Variants in CCDC51 observed in about 807,000 individuals in gnomAD.
CCDC51 encodes mitochondrial potassium channel.
CCDC51 carries 25 observed loss-of-function variants against 24.8 expected under a neutral mutation model. The observed-to-expected ratio is 1.01, with a 90% CI of 0.73 to 1.41. The LOEUF is 1.41. Among genes scored for constraint, CCDC51 ranks in the 40% most tolerant of loss-of-function variants. The pLI, the probability that CCDC51 is intolerant of heterozygous loss-of-function variation, is 0.00. For synonymous variants in CCDC51, 190 were observed against 204.3 expected, an observed-to-expected ratio of 0.93 and a Z score of 0.60; for missense variants, 466 against 519.1, an observed-to-expected ratio of 0.90 and a Z score of 0.99.
intron 1 of CCDC51, among the ~76,000 whole-genome samples, chr3:48,439,784 CAG>C (rs1376551042): frequency 6.6e-6 from 1 of 152,194 alleles, no homozygotes; most frequent in Non-Finnish European, 1.5e-5. Flanking sequence ...GATGAACAAA[CAG>C]AATTCGCAAA....
In CCDC51 at chr3:48,435,406, G is replaced by A. The variant is rs1018955602; in HGVS notation, c.-8-270C>T. Among the ~76,000 whole-genome samples, 1 of 152,134 alleles carries A rather than the reference G, an allele frequency of 6.6e-6. No homozygotes were observed. The highest frequency in any genetic ancestry group is 1.5e-5 in the Non-Finnish European group (1 of 68,044). ...GCCCGCCACCATGCCACACAAAGCG[G>A]ACCCTTCCCTGCTACCCACTTCCCT... On this transcript the variant is annotated intron_variant, in intron 1 of 3. Transcript: ENST00000395694. This position sits in a 1 kb window ranked among gnomAD's most constrained non-coding sequence, Gnocchi z 4.2.
upstream of CCDC51, chr3:48,440,274 C>G: frequency 1.9e-6 from 3 of 1,596,276 alleles, no homozygotes; most frequent in Non-Finnish European, 2.6e-6. Context: ...GTGGCAGGGT[C>G]TGGGGAAGCG....
upstream of CCDC51, chr3:48,440,584 A>G: frequency 1.2e-6 from 2 of 1,611,902 alleles, no homozygotes; most frequent in Non-Finnish European, 8.5e-7. Context: ...GAGCAGAAGA[A>G]ACTCGAGGAG....
At chr3:48,442,472 T>A (rs944858221), upstream of CCDC51, among the ~76,000 whole-genome samples, 25 of 149,150 alleles carry the variant, frequency 1.7e-4, no homozygotes, top group East Asian at 5.9e-4. Flanking sequence ...TTTTTTTTTT[T>A]AAATAGTCTC....
Position 48,434,971 on chromosome 3 carries a change from G to A in CCDC51, c.158C>T (p.Ala53Val). ...TGGGAGGCGGTGGTGCAGCCCCAGG[G>A]CCACCTCCTCAGGTCTTTTCTCTCC... ...QPGEKRPEEV[A>V]LGLHHRLPAL... The change falls in exon 2 of 4, where the codon GCC becomes GTC. Residue 53 changes from alanine (A) to valine (V), a missense_variant. Coordinates refer to ENST00000395694, the MANE Select transcript of CCDC51 (RefSeq NM_001256964.2). 1 of 1,614,202 alleles carries A rather than the reference G, an allele frequency of 6.2e-7. No individual in the cohort carries two copies. The highest frequency in any genetic ancestry group is 8.5e-7 in the Non-Finnish European group (1 of 1,180,040).
intron 2 of CCDC51, 143 bp downstream of exon 2, chr3:48,434,674 C>T (rs2039293730): frequency 1.4e-6 from 1 of 725,762 alleles, no homozygotes; most frequent in African/African-American, 1.8e-5. Context: ...GAGACCTTCA[C>T]CCCAGAAGCA....
chr3:48,440,175 T>G (rs2039518978), upstream of CCDC51: 1 of 1,477,410 alleles, frequency 6.8e-7, no homozygotes, highest in African/African-American at 1.4e-5. Context: ...CCGCATCCGG[T>G]AGCGAGAGTT....
Position 48,432,713 on chromosome 3 carries a change from T to G in CCDC51, c.931A>C (p.Arg311=). ...CCTTCTAGACATGAATGGACTTGCCTGGAATGACTAAGCTGCTCTTTCAAG... is the reference window on the plus strand; with the variant it reads ...CCTTCTAGACATGAATGGACTTGCCGGGAATGACTAAGCTGCTCTTTCAAG... The part of the protein sequence containing the change: ...AALKEQLSHS[R]QVHSCLEGLR... Residue 311 remains arginine (R), a synonymous_variant, in exon 4 of 4, where the codon AGG becomes CGG. Coordinates refer to ENST00000395694, the MANE Select transcript of CCDC51 (RefSeq NM_001256964.2). 6.2e-7 allele frequency: 1 copy of G among 1,614,236 alleles called. No individual in the cohort carries two copies. Among genetic ancestry groups the G allele is most frequent in the East Asian group, 2.2e-5 (1 of 44,890 alleles).
chr3:48,443,793 G>T, upstream of CCDC51: 1 of 1,466,256 alleles, frequency 6.8e-7, no homozygotes, highest in Non-Finnish European at 9.1e-7. Context: ...GGCCCGTGGG[G>T]CTTCTACCGT....
chr3:48,441,729 G>T (rs1481146990), upstream of CCDC51, among the ~76,000 whole-genome samples: 1 of 152,172 alleles, frequency 6.6e-6, no homozygotes, highest in Non-Finnish European at 1.5e-5. Context: ...TGCATCATAA[G>T]CATTATTTTA....
At chr3:48,444,416 G>T (rs891122333), upstream of CCDC51, among the ~76,000 whole-genome samples, 8 of 152,096 alleles carry the variant, frequency 5.3e-5, no homozygotes, top group Non-Finnish European at 1.0e-4. Context: ...GTGGTTACAG[G>T]CACCCGCCAC....
chr3:48,442,004 C>A (rs1009010615), upstream of CCDC51, among the ~76,000 whole-genome samples: 3 of 144,246 alleles, frequency 2.1e-5, no homozygotes, highest in East Asian at 6.2e-4. Flanking sequence ...GAGGCCTAAG[C>A]AGGAGGATTA....
At chr3:48,446,640 A>G in the CCDC51 span, 2 of 513,478 alleles carry the variant, frequency 3.9e-6, no homozygotes, top group Admixed American at 4.6e-5. Flanking sequence ...ACCTCTAAAC[A>G]CCGGGCGGGG....
chr3:48,434,502 A>G (rs1356042726), intron 2 of CCDC51, among the ~76,000 whole-genome samples: 1 of 152,198 alleles, frequency 6.6e-6, no homozygotes, highest in Non-Finnish European at 1.5e-5. Context: ...GTAATTACAC[A>G]CAGTAACAGT....
chr3:48,432,877 G>C lies in CCDC51; in HGVS notation c.767C>G (p.Ser256Cys). The C allele has an allele frequency of 6.2e-7, 1 of 1,614,068 alleles. No individual in the cohort carries two copies. The highest frequency in any genetic ancestry group is 8.5e-7 in the Non-Finnish European group (1 of 1,180,020). The change falls in exon 4 of 4, where the codon TCC (serine) becomes TGC (cysteine). Residue 256 changes from serine (S) to cysteine (C), a missense_variant. Coordinates refer to ENST00000395694, the MANE Select transcript of CCDC51 (RefSeq NM_001256964.2). The part of the protein sequence containing the change: ...EAIREQASSY[S>C]RQQRDLHNLM... Reference sequence around the variant, plus strand: ...ATTGTGGAGGTCCCTCTGCTGGCGGGAGTAGCTAGACGCCTGTTCTCGAAT... The same window carrying C: ...ATTGTGGAGGTCCCTCTGCTGGCGGCAGTAGCTAGACGCCTGTTCTCGAAT...
upstream of CCDC51, among the ~76,000 whole-genome samples, chr3:48,443,616 T>C (rs903727133): frequency 1.3e-5 from 2 of 152,052 alleles, no homozygotes; most frequent in African/African-American, 2.4e-5. Flanking sequence ...CTGTGAAGTA[T>C]ACAGAAGTGT....
chr3:48,444,987 ACCAT>A (rs1455689312), upstream of CCDC51: 1 of 152,192 alleles, frequency 6.6e-6, no homozygotes, highest in African/African-American at 2.4e-5. Context: ...AAAGACAGAG[ACCAT>A]CCATAATGTG....
At chr3:48,439,811 A>C in intron 1 of CCDC51, among the ~76,000 whole-genome samples, 177 bp downstream of exon 1, 1 of 152,190 alleles carries the variant, frequency 6.6e-6, no homozygotes, top group Non-Finnish European at 1.5e-5. Context: ...TGCACCCCTG[A>C]CTATATTATA....
chr3:48,438,458 C>T (rs1448924228), intron 1 of CCDC51, among the ~76,000 whole-genome samples: 1 of 152,136 alleles, frequency 6.6e-6, no homozygotes, highest in African/African-American at 2.4e-5. Context: ...ATCTTCCCCT[C>T]CCAAACCTTT....
Sources: allele counts gnomAD v4.1 joint callset (sites outside exome capture counted in the v4.1 genomes callset), GRCh38; gene constraint gnomAD v4.1.1; non-coding constraint Gnocchi (gnomAD v3.1); transcripts MANE v1.5; gene names NCBI Gene and HGNC (gene_info 2026-07-23, HGNC 2026-07-21).